SORCS2: variants seen among roughly 807,000 people sequenced by gnomAD.
SORCS2 encodes VPS10 domain-containing receptor SorCS2.
Under a neutral mutation model 141.6 loss-of-function variants are expected in SORCS2, and 100 were observed. The ratio of observed to expected loss-of-function variants is 0.71; its 90% CI spans 0.60 to 0.83. SORCS2 has a LOEUF of 0.83. Ranked by LOEUF, SORCS2 falls within the 40% of genes least tolerant of loss-of-function variation. The pLI is 0.00. For missense variants in SORCS2, 1,646 were observed against 1,560.2 expected (o/e 1.05, Z -0.93); for synonymous variants, 789 against 676.9 (o/e 1.17, Z -2.57).
At chr4:7,379,952 C>T (rs975959070) in intron 1 of SORCS2, among the ~76,000 whole-genome samples, 2 of 152,226 alleles carry the variant, frequency 1.3e-5, no homozygotes, top group African/African-American at 4.8e-5. Context: ...TCCTCCTGGT[C>T]CCTGGCTCCC....
At chr4:7,739,694 G>A (rs994858878) in intron 26 of SORCS2, among the ~76,000 whole-genome samples, 73 of 152,250 alleles carry the variant, frequency 4.8e-4, no homozygotes, top group African/African-American at 1.7e-3. Flanking sequence ...CCCTTGAGGC[G>A]GGGCAGCTCT....
At chr4:7,600,654 T>TACAC (rs1371962081) in intron 3 of SORCS2, among the ~76,000 whole-genome samples, 18 of 92,670 alleles carry the variant, frequency 1.9e-4, no homozygotes, top group African/African-American at 8.6e-4. Context: ...TACATATATA[T>TACAC]ATACACACAC....
At chr4:7,637,672 G>T (rs750099352) in intron 3 of SORCS2, among the ~76,000 whole-genome samples, 2 of 152,076 alleles carry the variant, frequency 1.3e-5, no homozygotes, top group Non-Finnish European at 2.9e-5. Flanking sequence ...TCCCTGGTGT[G>T]TGGGGGGGCC....
At chr4:7,416,736 ATG>A (rs1560266777) in intron 2 of SORCS2, among the ~76,000 whole-genome samples, 12 of 145,210 alleles carry the variant, frequency 8.3e-5, no homozygotes, top group African/African-American at 1.8e-4. Flanking sequence ...ACACACACGC[ATG>A]CACACACACT....
At chr4:7,621,654 A>T (rs1034312887) in intron 3 of SORCS2, among the ~76,000 whole-genome samples, 1 of 152,160 alleles carries the variant, frequency 6.6e-6, no homozygotes, top group African/African-American at 2.4e-5. Context: ...GTGGTGAAAC[A>T]TATTTTTAAA....
At chr4:7,570,296 C>T (rs1211713254) in intron 3 of SORCS2, among the ~76,000 whole-genome samples, 4 of 152,202 alleles carry the variant, frequency 2.6e-5, no homozygotes, top group African/African-American at 9.6e-5. Context: ...GCCTGTGTCC[C>T]ACTTTGTACT....
chr4:7,586,636 C>G (rs187691233), intron 3 of SORCS2, among the ~76,000 whole-genome samples: 1 of 152,180 alleles, frequency 6.6e-6, no homozygotes. Flanking sequence ...CAGCTCCATC[C>G]GTGTCCCGGC....
At chr4:7,339,367 G>C (rs1401554199) in intron 1 of SORCS2, among the ~76,000 whole-genome samples, 1 of 152,242 alleles carries the variant, frequency 6.6e-6, no homozygotes, top group African/African-American at 2.4e-5. Flanking sequence ...AAAGTTGTAT[G>C]AGTCAGCCAC....
chr4:7,730,974 G>A (rs2148893769), intron 23 of SORCS2, among the ~76,000 whole-genome samples: 1 of 152,378 alleles, frequency 6.6e-6, no homozygotes, highest in East Asian at 1.9e-4. Context: ...CGTGGCCCGT[G>A]CAGGGGAAGG....
At chr4:7,455,285 GTGTGTTGGGGTCAGGCAC>G (rs1728816466) in intron 2 of SORCS2, among the ~76,000 whole-genome samples, 1 of 53,960 alleles carries the variant, frequency 1.9e-5, no homozygotes, top group Non-Finnish European at 3.5e-5. Context: ...GTCAGGTGCT[GTGTGTTGGGGTCAGGCAC>G]TGTGTTGGGG....
intron 2 of SORCS2, among the ~76,000 whole-genome samples, chr4:7,471,503 C>T (rs1277763340): frequency 2.6e-5 from 4 of 152,226 alleles, no homozygotes; most frequent in Admixed American, 6.5e-5. Flanking sequence ...AGCTGGGCCA[C>T]GTCCCCTTCG....
chr4:7,570,536 C>G lies in SORCS2; in HGVS notation c.648+38907C>G, dbSNP rs567543826. Among the ~76,000 whole-genome samples, 12 of 152,360 alleles carry G rather than the reference C, an allele frequency of 7.9e-5. No homozygotes were observed. In the South Asian group the frequency reaches 1.4e-3, roughly 18 times the overall value. On this transcript the variant is annotated intron_variant, in intron 3 of 26. Transcript: ENST00000507866. ...TCACTGTTTTCAAAGGGAAGCCAAT[C>G]TGCTCCCACCTGCCTCCCACACCGC... is the stretch of plus-strand genomic sequence containing the variant.
At chr4:7,496,253 T>TC in intron 2 of SORCS2, among the ~76,000 whole-genome samples, 1 of 152,058 alleles carries the variant, frequency 6.6e-6, no homozygotes, top group East Asian at 1.9e-4. Flanking sequence ...AGAACTTCTG[T>TC]CCTCCCTGCT....
intron 3 of SORCS2, among the ~76,000 whole-genome samples, chr4:7,546,743 C>T (rs752843837): frequency 1.4e-4 from 22 of 152,300 alleles, no homozygotes; most frequent in African/African-American, 2.4e-4. Context: ...ACTGTGGTCA[C>T]GCAGCTTCCC....
At chr4:7,521,679 C>T (rs1263022293) in intron 2 of SORCS2, among the ~76,000 whole-genome samples, 1 of 152,220 alleles carries the variant, frequency 6.6e-6, no homozygotes, top group Non-Finnish European at 1.5e-5. Flanking sequence ...AACACATCTG[C>T]AGCACCTGTC....
At chr4:7,376,643 G>A (rs1410235555) in intron 1 of SORCS2, among the ~76,000 whole-genome samples, 3 of 152,100 alleles carry the variant, frequency 2.0e-5, no homozygotes, top group African/African-American at 7.2e-5. Context: ...TCTCACTCAG[G>A]CATATTTTTT....
Position 7,664,789 on chromosome 4 carries a change from A to C in SORCS2, c.1071+318A>C, listed in dbSNP as rs140186249. Reference sequence around the variant, plus strand: ...GGCTTTATCAGTGACTTTGGAACTGACCAGGACTGCTTCTGGTCCCGGCTC... The same window carrying C: ...GGCTTTATCAGTGACTTTGGAACTGCCCAGGACTGCTTCTGGTCCCGGCTC... On this transcript the variant is annotated intron_variant, in intron 7 of 26. Coordinates refer to ENST00000507866, the MANE Select transcript of SORCS2 (RefSeq NM_020777.3). This position sits in a 1 kb window ranked among gnomAD's most constrained non-coding sequence, Gnocchi z 4.7. Among the ~76,000 whole-genome samples, 12 of 152,212 alleles carry C rather than the reference A, an allele frequency of 7.9e-5. No homozygotes were observed. In the East Asian group the frequency reaches 2.3e-3, roughly 30 times the overall value.
chr4:7,258,703 A>G (rs1358195678), intron 1 of SORCS2, among the ~76,000 whole-genome samples: 1 of 152,192 alleles, frequency 6.6e-6, no homozygotes, highest in Non-Finnish European at 1.5e-5. Flanking sequence ...CTAGTTCTAG[A>G]TCCTTGAGAA....
At chr4:7,350,946 GGGC>G (rs1413983979) in intron 1 of SORCS2, among the ~76,000 whole-genome samples, 1 of 152,152 alleles carries the variant, frequency 6.6e-6, no homozygotes, top group Middle Eastern at 3.2e-3. Context: ...TCTAGGGTTA[GGGC>G]AAGGGAAGGA....
Sources: allele counts gnomAD v4.1 joint callset (sites outside exome capture counted in the v4.1 genomes callset), GRCh38; gene constraint gnomAD v4.1.1; non-coding constraint Gnocchi (gnomAD v3.1); transcripts MANE v1.5; gene names NCBI Gene and HGNC (gene_info 2026-07-23, HGNC 2026-07-21).